The following UGGT1 variants were observed in gnomAD, a reference collection of about 807,000 sequenced individuals.
UGGT1 encodes the protein UDP-glucose:glycoprotein glucosyltransferase 1.
In UGGT1, 107 loss-of-function variants were observed where a neutral mutation model predicts 203.9. The observed-to-expected ratio is 0.52, with a 90% CI of 0.45 to 0.62. The LOEUF (loss-of-function observed/expected upper bound fraction) is 0.62, where lower values mean the gene tolerates loss of function less well. UGGT1 is among the 20% of genes least tolerant of loss of function. The pLI is 0.00. For synonymous variants in UGGT1, 628 were observed against 653.5 expected (o/e 0.96, Z 0.59); for missense variants, 1,673 against 1,867.2 (o/e 0.90, Z 1.92).
In UGGT1 at chr2:128,160,547, C is replaced by G; in HGVS notation, c.2650C>G (p.Leu884Val). 6.2e-7 allele frequency: 1 copy of G among 1,613,454 alleles called. No homozygotes were observed. The highest frequency in any genetic ancestry group is 8.5e-7 in the Non-Finnish European group (1 of 1,179,846). ...TCATGCCGTGTACTGCAGGGATGTT[C>G]TGAAGCTGAAGAAGGGACAGAGGGC... Reference protein sequence around the residue: ...LSHAVYCRDVLKLKKGQRAVI... With the variant: ...LSHAVYCRDVVKLKKGQRAVI... The change falls in exon 24 of 41, where the codon CTG becomes GTG. Residue 884 changes from leucine to valine, a missense_variant. Physicochemically the swap from Leu to Val is conservative, Grantham distance 32. Around this residue, in one of 4 missense-constraint regions of UGGT1, gnomAD observed 1,073 missense variants for 1,078.7 expected, o/e 0.99. Transcript: ENST00000259253.
At chr2:128,147,029 G>A (rs753718254) in intron 18 of UGGT1, among the ~76,000 whole-genome samples, 23 of 152,138 alleles carry the variant, frequency 1.5e-4, no homozygotes, top group Non-Finnish European at 2.8e-4. Flanking sequence ...GTCCTAAGGG[G>A]CTCACCATGA....
At chr2:128,161,468 T>A (rs1312659693) in intron 25 of UGGT1, among the ~76,000 whole-genome samples, 200 bp downstream of exon 25, 2 of 152,356 alleles carry the variant, frequency 1.3e-5, no homozygotes, top group South Asian at 4.1e-4. Context: ...GGGTACTATT[T>A]AAGGAACTGA....
rs146316889 is a variant in UGGT1, at chr2:128,188,317, T to G, written c.4642+703T>G. 2.3e-3 allele frequency among the ~76,000 whole-genome samples: 352 copies of G among 152,306 alleles called. 2 individuals carry two copies. The highest frequency in any genetic ancestry group is 0.015 in the South Asian group (74 of 4,820). Reference sequence around the variant, plus strand: ...CCTCAGCCTCCCAAAGTGCTAGGATTACAGACGTGAGGCACTGCGCCTGGC... The same window carrying G: ...CCTCAGCCTCCCAAAGTGCTAGGATGACAGACGTGAGGCACTGCGCCTGGC... On this transcript the variant is annotated intron_variant, in intron 40 of 40. Transcript: ENST00000259253.
intron 5 of UGGT1, among the ~76,000 whole-genome samples, chr2:128,111,320 A>C (rs1379288164): frequency 6.6e-6 from 1 of 152,048 alleles, no homozygotes; most frequent in African/African-American, 2.4e-5. Flanking sequence ...ATGCCACTGC[A>C]CTCTACCTTG....
At chr2:128,123,657 C>T (rs1274753685) in intron 11 of UGGT1, among the ~76,000 whole-genome samples, 1 of 152,166 alleles carries the variant, frequency 6.6e-6, no homozygotes. Flanking sequence ...AGTGTCCCAC[C>T]ACTATTCTAT....
intron 23 of UGGT1, among the ~76,000 whole-genome samples, chr2:128,160,028 GCTTATATGTT>G (rs1400819684): frequency 6.6e-6 from 1 of 152,034 alleles, no homozygotes; most frequent in African/African-American, 2.4e-5. Context: ...TAGGTTCAAG[GCTTATATGTT>G]CTTGATGTGT....
intron 20 of UGGT1, 122 bp downstream of exon 20, chr2:128,155,709 T>A: frequency 1.5e-6 from 1 of 685,634 alleles, no homozygotes. Context: ...TCTTATTTCT[T>A]ATAAAGCTTT....
chr2:128,191,965 C>T lies in UGGT1; in HGVS notation c.*2223C>T, dbSNP rs529309816. On this transcript the variant is annotated 3_prime_UTR_variant, in exon 41 of 41. Transcript: ENST00000259253. The stretch of plus-strand genomic sequence containing the variant: ...TCCACAACTGTGGGCGGAAGTGTGC[C>T]TTTTCCCAGTTTCTCGTCCAGGAGG... 1 of 152,334 alleles carries T rather than the reference C, an allele frequency of 6.6e-6. No homozygotes were observed. Among genetic ancestry groups the T allele is most frequent in the African/African-American group, 2.4e-5 (1 of 41,568 alleles). 9.4% of individuals were successfully genotyped at this position (152,334 alleles called of 1,614,324 possible). A position where few individuals can be genotyped will look rare whatever the true frequency, so the allele number is the denominator to read the frequency against.
At position 128,134,889 on chromosome 2, in the gene UGGT1, A is replaced by G. The variant is rs1241279631; in HGVS notation, c.1511A>G (p.Asp504Gly). 1.2e-6 allele frequency: 2 copies of G among 1,613,734 alleles called. No homozygotes were observed. Among genetic ancestry groups the G allele is most frequent in the African/African-American group, 2.7e-5 (2 of 74,942 alleles). Residue 504 changes from aspartate to glycine, a missense_variant, in exon 15 of 41, where the codon GAT becomes GGT. By Grantham distance (94) the Asp-to-Gly change is moderately conservative. This residue lies in a region of UGGT1 where 1,073 missense variants were observed against 1,078.7 expected (regional missense o/e 0.99). Coordinates refer to ENST00000259253, the MANE Select transcript of UGGT1 (RefSeq NM_020120.4). ...KNLHNMVFIV[D>G]PAHETTAELM... Reference sequence around the variant, plus strand: ...TTTCTTCAACAGGTTTTCATAGTTGATCCTGCACATGAGACCACAGCAGAG... The same window carrying G: ...TTTCTTCAACAGGTTTTCATAGTTGGTCCTGCACATGAGACCACAGCAGAG...
chr2:128,189,990 A>C lies in UGGT1; in HGVS notation c.*248A>C, dbSNP rs181641057. 2.4e-6 allele frequency: 1 copy of C among 418,726 alleles called. No homozygotes were observed. The highest frequency in any genetic ancestry group is 2.0e-5 in the African/African-American group (1 of 50,362). 25.9% of individuals were successfully genotyped at this position (418,726 alleles called of 1,614,324 possible). On this transcript the variant is annotated 3_prime_UTR_variant, in exon 41 of 41. Transcript: ENST00000259253. ...TGATCCTTTGGACTCTGTAAAGAGC[A>C]TTCTTCTAGTCAGAGGGTGGAATGG...
Position 128,179,114 on chromosome 2 carries a change from G to A in UGGT1, c.3815+545G>A, listed in dbSNP as rs187929714. ...ACCAGAGGCACTGTCAGGAAGGCCT[G>A]AGAGTCACTTTTCTCATTGCCAGGG... is the stretch of plus-strand genomic sequence containing the variant. On this transcript the variant is annotated intron_variant, in intron 34 of 40. Transcript: ENST00000259253. Among the ~76,000 whole-genome samples the A allele has an allele frequency of 1.1e-3, 167 of 152,224 alleles. 1 individual carries two copies. The highest frequency in any genetic ancestry group is 6.3e-4 in the Non-Finnish European group (43 of 68,016).
At chr2:128,125,469 T>A (rs6708252) in intron 11 of UGGT1, among the ~76,000 whole-genome samples, 3,304 of 152,292 alleles carry the variant, frequency 0.022, 97 homozygotes, top group African/African-American at 0.074. Flanking sequence ...TGACCTTTCC[T>A]GTTGTTGGTC....
intron 12 of UGGT1, 71 bp from the exon 13 acceptor site, chr2:128,128,958 T>C: frequency 6.9e-7 from 1 of 1,450,210 alleles, no homozygotes; most frequent in Non-Finnish European, 9.2e-7. Context: ...TGATACATTT[T>C]TTTTCATGGT....
Position 128,183,320 on chromosome 2 carries a change from GT to G in UGGT1, c.4245-351del, listed in dbSNP as rs200353438. ...ACTGTAAGGACTGTAACACTCTGGG[GT>G]TTTCCCCCCCCTGTAACATTGAAGA... is the stretch of plus-strand genomic sequence containing the variant. On this transcript the variant is annotated intron_variant, in intron 37 of 40. Transcript: ENST00000259253. Among the ~76,000 whole-genome samples the G allele has an allele frequency of 4.3e-3, 662 of 152,204 alleles. 6 individuals carry two copies. The highest frequency in any genetic ancestry group is 0.013 in the African/African-American group (553 of 41,504).
Position 128,177,934 on chromosome 2 carries a change from G to GT in UGGT1, c.3713+15dup, listed in dbSNP as rs1446474855. 4 of 1,582,284 alleles carry GT rather than the reference G, an allele frequency of 2.5e-6. No individual in the cohort carries two copies. Among genetic ancestry groups the GT allele is most frequent in the Non-Finnish European group, 3.4e-6 (4 of 1,165,172 alleles). Reference sequence around the variant, plus strand: ...TTCCTTCAAATGGTAAGTTGACATTGTAAGAGTTATGTTTTTAAGGAAAAA... The same window carrying GT: ...TTCCTTCAAATGGTAAGTTGACATTGTTAAGAGTTATGTTTTTAAGGAAAAA... On this transcript the variant is annotated intron_variant, in intron 33 of 40. Coordinates refer to ENST00000259253, the MANE Select transcript of UGGT1 (RefSeq NM_020120.4).
Position 128,160,446 on chromosome 2 carries a change from G to T in UGGT1, c.2563-14G>T. The T allele has an allele frequency of 1.9e-6, 3 of 1,584,382 alleles. No homozygotes were observed. In the South Asian group the frequency reaches 3.5e-5, roughly 18 times the overall value. Reference sequence around the variant, plus strand: ...GTAACGACTATTTTTCCTTAATAATGATTACTTTCCTAGGGAATGGATTTC... The same window carrying T: ...GTAACGACTATTTTTCCTTAATAATTATTACTTTCCTAGGGAATGGATTTC... On this transcript the variant is annotated splice_polypyrimidine_tract_variant and intron_variant, in intron 23 of 40. Transcript: ENST00000259253.
chr2:128,159,511 C>T lies in UGGT1; in HGVS notation c.2356-3C>T. On this transcript the variant is annotated splice_region_variant and splice_polypyrimidine_tract_variant and intron_variant, in intron 22 of 40. Coordinates refer to ENST00000259253, the MANE Select transcript of UGGT1 (RefSeq NM_020120.4). ...TGACTCCCGTTTCCCATTTTGTGAA[C>T]AGAAATCCAGTAACAATGTTAGAAT... 1.2e-6 allele frequency: 2 copies of T among 1,613,670 alleles called. No individual in the cohort carries two copies. The highest frequency in any genetic ancestry group is 2.7e-5 in the African/African-American group (2 of 75,020).
intron 15 of UGGT1, among the ~76,000 whole-genome samples, chr2:128,137,229 A>G (rs1484269051): frequency 6.6e-6 from 1 of 152,196 alleles, no homozygotes; most frequent in East Asian, 1.9e-4. Flanking sequence ...CACCATGGGC[A>G]ACATGAGAAG....
At chr2:128,171,823 T>C (rs1204048259) in intron 28 of UGGT1, among the ~76,000 whole-genome samples, 1 of 152,154 alleles carries the variant, frequency 6.6e-6, no homozygotes, top group African/African-American at 2.4e-5. Flanking sequence ...GTGCTTTTCA[T>C]CTTAAAAGAA....
Sources: allele counts gnomAD v4.1 joint callset (sites outside exome capture counted in the v4.1 genomes callset), GRCh38; gene constraint gnomAD v4.1.1; regional missense constraint gnomAD v4.1.1; transcripts MANE v1.5; gene names NCBI Gene and HGNC (gene_info 2026-07-23, HGNC 2026-07-21).